Variants in KCNAB1 observed in about 807,000 individuals in gnomAD.
KCNAB1 encodes voltage-gated potassium channel subunit beta-1.
KCNAB1 carries 35 observed loss-of-function variants against 64.6 expected under a neutral mutation model. That is an observed-to-expected ratio of 0.54 (90% CI 0.41 to 0.72). The LOEUF (loss-of-function observed/expected upper bound fraction) is 0.72, where lower values mean the gene tolerates loss of function less well. Ranked by LOEUF, KCNAB1 falls within the 30% of genes least tolerant of loss-of-function variation. The probability of loss-of-function intolerance (pLI) is 0.00; values close to 1 mark genes in which losing one functional copy is unlikely to be tolerated. For synonymous variants in KCNAB1, 177 were observed against 183.8 expected (o/e 0.96, Z 0.30); for missense variants, 401 against 512.9 (o/e 0.78, Z 2.11).
chr3:156,129,138 T>C (rs928455878), intron 1 of KCNAB1, among the ~76,000 whole-genome samples: 2 of 152,218 alleles, frequency 1.3e-5, no homozygotes, highest in Non-Finnish European at 2.9e-5. Flanking sequence ...TGCCTATTCA[T>C]TTTTTGTCAG....
intron 1 of KCNAB1, among the ~76,000 whole-genome samples, chr3:156,186,893 C>G (rs914254769): frequency 9.2e-5 from 14 of 151,642 alleles, no homozygotes; most frequent in African/African-American, 3.4e-4. Flanking sequence ...ACTCTGTTGC[C>G]CAGGCTGGAG....
intron 2 of KCNAB1, among the ~76,000 whole-genome samples, chr3:156,424,899 T>A (rs1715710482): frequency 6.6e-6 from 1 of 152,210 alleles, no homozygotes; most frequent in Admixed American, 6.5e-5. Flanking sequence ...AATAAGACAC[T>A]GCATGAAAAA....
At chr3:156,403,565 C>G (rs1452160849) in intron 1 of KCNAB1, among the ~76,000 whole-genome samples, 1 of 151,994 alleles carries the variant, frequency 6.6e-6, no homozygotes, top group East Asian at 1.9e-4. Flanking sequence ...TGAGGGTGAC[C>G]ATATAATTTA....
chr3:156,283,612 G>A (rs1423395606), intron 1 of KCNAB1, among the ~76,000 whole-genome samples: 16 of 151,726 alleles, frequency 1.1e-4, no homozygotes, highest in Non-Finnish European at 1.5e-4. Context: ...CCAATCAGAC[G>A]TAGATTTGGT....
At chr3:156,161,996 C>T (rs1038191510) in intron 1 of KCNAB1, among the ~76,000 whole-genome samples, 6 of 152,350 alleles carry the variant, frequency 3.9e-5, no homozygotes, top group Non-Finnish European at 7.3e-5. Flanking sequence ...AAACTACTCA[C>T]ATAGCATTCT....
intron 1 of KCNAB1, among the ~76,000 whole-genome samples, chr3:156,333,598 G>A (rs1723488939): frequency 6.6e-6 from 1 of 152,036 alleles, no homozygotes; most frequent in African/African-American, 2.4e-5. Context: ...GTACTGAATA[G>A]CACAACACAT....
At chr3:156,352,088 G>A (rs775260507) in intron 1 of KCNAB1, among the ~76,000 whole-genome samples, 1 of 152,196 alleles carries the variant, frequency 6.6e-6, no homozygotes, top group Non-Finnish European at 1.5e-5. Context: ...AGCCCGCTGT[G>A]AGGCTTGGGG....
Position 156,309,656 on chromosome 3 carries a change from G to A in KCNAB1, c.276-111960G>A, listed in dbSNP as rs549645307. ...TTAAAATTAAAATAATATATCAAACGGAATGTTACAAACCATGGATACCAG... is the reference window on the plus strand; with the variant it reads ...TTAAAATTAAAATAATATATCAAACAGAATGTTACAAACCATGGATACCAG... On this transcript the variant is annotated intron_variant, in intron 1 of 13. Transcript: ENST00000490337. Among the ~76,000 whole-genome samples the A allele has an allele frequency of 3.5e-4, 53 of 152,266 alleles. 1 individual carries two copies. The South Asian group carries it at 6.2e-3, about 18-fold the overall frequency.
intron 1 of KCNAB1, among the ~76,000 whole-genome samples, chr3:156,223,008 C>T (rs141226325): frequency 0.02 from 3,000 of 152,244 alleles, 47 homozygotes; most frequent in Middle Eastern, 0.051. Flanking sequence ...AATCTGTGTC[C>T]GGAATTGGTG....
chr3:156,514,464 A>G lies in KCNAB1; in HGVS notation c.744+15A>G. On this transcript the variant is annotated intron_variant, in intron 9 of 13. Transcript: ENST00000490337. Reference sequence around the variant, plus strand: ...TGGAGATCATGGTAATTTAACTTCTATTTTTAAATGGCTATTGAGTACCTT... The same window carrying G: ...TGGAGATCATGGTAATTTAACTTCTGTTTTTAAATGGCTATTGAGTACCTT... The G allele has an allele frequency of 6.3e-7, 1 of 1,579,368 alleles. No individual in the cohort carries two copies. Among genetic ancestry groups the G allele is most frequent in the East Asian group, 2.2e-5 (1 of 44,682 alleles).
intron 1 of KCNAB1, among the ~76,000 whole-genome samples, chr3:156,192,757 A>C (rs1445839303): frequency 6.6e-6 from 1 of 152,048 alleles, no homozygotes; most frequent in Non-Finnish European, 1.5e-5. Flanking sequence ...AACCCTAGTA[A>C]TATTATTTGC....
chr3:156,143,057 A>G, intron 1 of KCNAB1: 2 of 1,404,872 alleles, frequency 1.4e-6, no homozygotes, highest in African/African-American at 1.5e-5. Context: ...TCTAAAGAAA[A>G]CAAGCTAAAC....
intron 8 of KCNAB1, among the ~76,000 whole-genome samples, chr3:156,488,911 G>A (rs530986251): frequency 2.0e-5 from 3 of 152,244 alleles, no homozygotes; most frequent in East Asian, 3.9e-4. Context: ...AGATATGAGC[G>A]TGACTGAAAG....
chr3:156,377,376 A>G (rs1005201167), intron 1 of KCNAB1, among the ~76,000 whole-genome samples: 1 of 152,134 alleles, frequency 6.6e-6, no homozygotes, highest in African/African-American at 2.4e-5. Context: ...GCGAACCAAG[A>G]GCCAGGGAGC....
At chr3:156,428,534 C>CACACACACACT (rs3219955) in intron 2 of KCNAB1, among the ~76,000 whole-genome samples, 1 of 146,214 alleles carries the variant, frequency 6.8e-6, no homozygotes, top group African/African-American at 2.6e-5. Context: ...CACACACACA[C>CACACACACACT]CCTATTGGTT....
intron 1 of KCNAB1, among the ~76,000 whole-genome samples, chr3:156,377,696 G>A (rs1431436385): frequency 6.6e-6 from 1 of 152,094 alleles, no homozygotes; most frequent in Non-Finnish European, 1.5e-5. Flanking sequence ...CATGCAGGAG[G>A]TAAATACCTG....
chr3:156,245,788 T>C (rs1417152636), intron 1 of KCNAB1, among the ~76,000 whole-genome samples: 1 of 152,196 alleles, frequency 6.6e-6, no homozygotes, highest in Non-Finnish European at 1.5e-5. Flanking sequence ...GGCTCTTTGT[T>C]TAGCTCACTG....
At chr3:156,384,806 C>A (rs559994061) in intron 1 of KCNAB1, among the ~76,000 whole-genome samples, 3 of 152,144 alleles carry the variant, frequency 2.0e-5, no homozygotes, top group Admixed American at 6.5e-5. Context: ...GTGAAAACTC[C>A]CTTGGAATGG....
intron 1 of KCNAB1, among the ~76,000 whole-genome samples, chr3:156,243,387 G>A (rs929814160): frequency 2.0e-5 from 3 of 151,854 alleles, no homozygotes; most frequent in Non-Finnish European, 2.9e-5. Context: ...ACCATGCCCG[G>A]CTAATTTCTT....
Sources: gnomAD v4.1 joint callset for allele counts (sites outside exome capture counted in the v4.1 genomes callset) on GRCh38, gnomAD v4.1.1 for gene constraint, MANE v1.5 for transcripts, NCBI Gene and HGNC (gene_info 2026-07-23, HGNC 2026-07-21) for gene names.